MPPED2: variants seen among roughly 807,000 people sequenced by gnomAD.
MPPED2 encodes the protein metallophosphoesterase domain containing 2.
Under a neutral mutation model 33.0 loss-of-function variants are expected in MPPED2, and 5 were observed. The ratio of observed to expected loss-of-function variants is 0.15; its 90% CI spans 0.08 to 0.32. MPPED2 has a LOEUF of 0.32. Ranked by LOEUF, MPPED2 falls within the 10% of genes least tolerant of loss-of-function variation. The probability of loss-of-function intolerance (pLI) is 1.00; values close to 1 mark genes in which losing one functional copy is unlikely to be tolerated. For missense variants in MPPED2, 275 were observed against 372.1 expected, an observed-to-expected ratio of 0.74 and a Z score of 2.15; for synonymous variants, 136 against 141.9, an observed-to-expected ratio of 0.96 and a Z score of 0.29.
chr11:30,444,369 T>C (rs908219168), intron 4 of MPPED2, among the ~76,000 whole-genome samples: 1 of 152,146 alleles, frequency 6.6e-6, no homozygotes, highest in African/African-American at 2.4e-5. Context: ...AGCACTTACC[T>C]TCCTGAAGAA....
intron 4 of MPPED2, among the ~76,000 whole-genome samples, chr11:30,467,150 C>T (rs895015188): frequency 2.0e-5 from 3 of 152,156 alleles, no homozygotes; most frequent in African/African-American, 7.2e-5. Context: ...CACCCCCACA[C>T]TTTCTGGCTT....
chr11:30,537,801 G>A (rs561938911), intron 2 of MPPED2, among the ~76,000 whole-genome samples: 19 of 152,278 alleles, frequency 1.2e-4, no homozygotes, highest in Admixed American at 9.2e-4. Flanking sequence ...AAATTAATAT[G>A]CTGTTACCAC....
At chr11:30,537,073 C>T (rs933532907) in intron 2 of MPPED2, among the ~76,000 whole-genome samples, 19 of 152,236 alleles carry the variant, frequency 1.2e-4, no homozygotes, top group African/African-American at 4.6e-4. Flanking sequence ...TGAAACAGAA[C>T]ATCCTCATTT....
intron 4 of MPPED2, among the ~76,000 whole-genome samples, chr11:30,471,530 C>T (rs548092984): frequency 6.6e-6 from 1 of 152,354 alleles, no homozygotes; most frequent in South Asian, 2.1e-4. Context: ...CTTCCTGAAG[C>T]TTGTCCTTAC....
intron 2 of MPPED2, among the ~76,000 whole-genome samples, chr11:30,553,538 G>A (rs865903521): frequency 1.3e-5 from 2 of 152,134 alleles, no homozygotes; most frequent in South Asian, 2.1e-4. Context: ...AGCAGTTAAA[G>A]GTTAAGCAAA....
At chr11:30,411,920 G>A (rs1948121454) in intron 6 of MPPED2, among the ~76,000 whole-genome samples, 1 of 151,670 alleles carries the variant, frequency 6.6e-6, no homozygotes, top group African/African-American at 2.4e-5. Flanking sequence ...TCAAAGCCTT[G>A]TGTTAACTAT....
intron 2 of MPPED2, among the ~76,000 whole-genome samples, chr11:30,537,593 T>C (rs1954882010): frequency 6.6e-6 from 1 of 152,190 alleles, no homozygotes. Flanking sequence ...CCCACATTTC[T>C]TCAATGACTA....
rs148072948 is a variant in MPPED2 at position 30,443,898 on chromosome 11, C to G, written c.537-26265G>C. 1.5e-3 allele frequency among the ~76,000 whole-genome samples: 227 copies of G among 152,326 alleles called. 1 individual carries two copies. Among genetic ancestry groups the G allele is most frequent in the Middle Eastern group, 3.4e-3 (1 of 294 alleles). ...CTCCATAGTAATCCGAGGCTTGGAA[C>G]AGTACATTGCCCTCAATCCACATTT... On this transcript the variant is annotated intron_variant, in intron 4 of 6. Transcript: ENST00000358117.
intron 2 of MPPED2, among the ~76,000 whole-genome samples, chr11:30,567,072 A>C (rs1167938464): frequency 6.6e-6 from 1 of 152,160 alleles, no homozygotes; most frequent in Non-Finnish European, 1.5e-5. Flanking sequence ...CAAAAAATAC[A>C]GGAGGTGTGC....
intron 4 of MPPED2, among the ~76,000 whole-genome samples, chr11:30,455,867 C>T (rs1445718972): frequency 6.6e-6 from 1 of 152,224 alleles, no homozygotes; most frequent in Non-Finnish European, 1.5e-5. Context: ...GTTAACCTGA[C>T]AGCCGTTCTG....
intron 3 of MPPED2, among the ~76,000 whole-genome samples, chr11:30,502,594 A>G (rs1292538129): frequency 6.6e-6 from 1 of 151,802 alleles, no homozygotes; most frequent in Admixed American, 6.6e-5. Context: ...GTGAGGTCCC[A>G]GAATCTAAAA....
intron 4 of MPPED2, among the ~76,000 whole-genome samples, chr11:30,480,969 A>G (rs1565110289): frequency 6.6e-6 from 1 of 152,134 alleles, no homozygotes; most frequent in Non-Finnish European, 1.5e-5. Flanking sequence ...AGTTTTCCCT[A>G]CATAACAGGT....
intron 4 of MPPED2, among the ~76,000 whole-genome samples, chr11:30,447,815 T>C (rs1163468578): frequency 6.6e-6 from 1 of 152,152 alleles, no homozygotes; most frequent in East Asian, 1.9e-4. Flanking sequence ...AGAGGTTTCG[T>C]GAGTCCCTGC....
intron 2 of MPPED2, among the ~76,000 whole-genome samples, chr11:30,569,634 A>G (rs1193503280): frequency 6.6e-6 from 1 of 152,218 alleles, no homozygotes; most frequent in Non-Finnish European, 1.5e-5. Context: ...ATAGTCTTAC[A>G]TCTCTCGAAA....
chr11:30,520,331 G>T (rs1176958098), intron 3 of MPPED2, among the ~76,000 whole-genome samples: 3 of 152,104 alleles, frequency 2.0e-5, no homozygotes, highest in African/African-American at 4.8e-5. Flanking sequence ...TTCATTTAGG[G>T]TGTACTATAA....
At chr11:30,459,464 A>G (rs1437307802) in intron 4 of MPPED2, among the ~76,000 whole-genome samples, 1 of 152,194 alleles carries the variant, frequency 6.6e-6, no homozygotes, top group Non-Finnish European at 1.5e-5. Flanking sequence ...TAAAACCTAA[A>G]CTATGGCTTT....
chr11:30,437,911 C>T (rs1326532000), intron 4 of MPPED2, among the ~76,000 whole-genome samples: 1 of 152,120 alleles, frequency 6.6e-6, no homozygotes, highest in African/African-American at 2.4e-5. Flanking sequence ...TGAGTAACAG[C>T]ATAGACTCTG....
At chr11:30,576,922 CCAGT>C (rs1346066798) in intron 2 of MPPED2, among the ~76,000 whole-genome samples, 1 of 151,950 alleles carries the variant, frequency 6.6e-6, no homozygotes. Flanking sequence ...GAGATTCAAG[CCAGT>C]CATTCTTAGA....
At chr11:30,509,421 G>C (rs983943553) in intron 3 of MPPED2, among the ~76,000 whole-genome samples, 2 of 152,204 alleles carry the variant, frequency 1.3e-5, no homozygotes, top group Non-Finnish European at 2.9e-5. Flanking sequence ...GTAATCAATA[G>C]ATGGAGTTAA....
Sources: gnomAD v4.1 joint callset for allele counts (sites outside exome capture counted in the v4.1 genomes callset) on GRCh38, gnomAD v4.1.1 for gene constraint, MANE v1.5 for transcripts, NCBI Gene and HGNC (gene_info 2026-07-23, HGNC 2026-07-21) for gene names.